Variants in ANO2 observed in about 807,000 individuals in gnomAD.
ANO2 encodes anoctamin 2.
ANO2 carries 101 observed loss-of-function variants against 124.2 expected under a neutral mutation model. The ratio of observed to expected loss-of-function variants is 0.81; its 90% CI spans 0.69 to 0.96. The LOEUF (loss-of-function observed/expected upper bound fraction) is 0.96. ANO2 is among the 40% of genes least tolerant of loss of function. ANO2 has a pLI of 0.00. For synonymous variants in ANO2, 486 were observed against 482.5 expected, an observed-to-expected ratio of 1.01 and a Z score of -0.09; for missense variants, 1,293 against 1,274.5, an observed-to-expected ratio of 1.01 and a Z score of -0.22.
At chr12:5,936,637 C>T (rs945553851) in intron 1 of ANO2, among the ~76,000 whole-genome samples, 1 of 152,204 alleles carries the variant, frequency 6.6e-6, no homozygotes, top group Non-Finnish European at 1.5e-5. Context: ...CAGTCTCTGG[C>T]ATTTTGTTAG....
chr12:5,699,853 C>A lies in ANO2; in HGVS notation c.1545+32667G>T, dbSNP rs372209014. Among the ~76,000 whole-genome samples the A allele has an allele frequency of 8.5e-5, 13 of 152,166 alleles. No individual in the cohort carries two copies. The East Asian group carries it at 1.2e-3, about 14-fold the overall frequency. On this transcript the variant is annotated intron_variant, in intron 14 of 24. Coordinates refer to ENST00000682330, the MANE Select transcript of ANO2 (RefSeq NM_001364791.2). ...CAAAAGAGACAAAGAAGGCCATTAC[C>A]TAATGGTAAAGGGATCAATTCAACA...
At chr12:5,606,893 CTT>C (rs1944248760) in intron 19 of ANO2, among the ~76,000 whole-genome samples, 1 of 152,106 alleles carries the variant, frequency 6.6e-6, no homozygotes, top group Non-Finnish European at 1.5e-5. Flanking sequence ...ATTAGACACT[CTT>C]AAACATTTAA....
At chr12:5,812,128 A>G (rs923858557) in intron 7 of ANO2, among the ~76,000 whole-genome samples, 1 of 146,626 alleles carries the variant, frequency 6.8e-6, no homozygotes, top group Non-Finnish European at 1.5e-5. Context: ...AAGGGCAGGG[A>G]AAATAGTGCA....
Position 5,563,338 on chromosome 12 carries a change from GC to G in ANO2, c.2957del (p.Gly986AlafsTer3). On this transcript the variant is annotated frameshift_variant, in exon 25 of 25. Coordinates refer to ENST00000682330, the MANE Select transcript of ANO2 (RefSeq NM_001364791.2). LOFTEE classifies it high-confidence loss of function. ...SSAPSGQSQL[G>X]SMMSSGSQHT... The stretch of plus-strand genomic sequence containing the variant: ...GCTGAGAGCCTGACGACATCATGCT[GC>G]CCAGCTGGCTTTGGCCTGAAGGTGC... 6.2e-7 allele frequency: 1 copy of G among 1,603,624 alleles called. No individual in the cohort carries two copies.
intron 7 of ANO2, among the ~76,000 whole-genome samples, chr12:5,821,810 A>G (rs1251159270): frequency 6.6e-6 from 1 of 152,218 alleles, no homozygotes; most frequent in African/African-American, 2.4e-5. Context: ...GCAGCATTCC[A>G]TCATCAAACG....
At chr12:5,912,856 G>C (rs1222695012) in intron 3 of ANO2, among the ~76,000 whole-genome samples, 1 of 152,176 alleles carries the variant, frequency 6.6e-6, no homozygotes, top group Non-Finnish European at 1.5e-5. Flanking sequence ...GCAGCGGCAC[G>C]ACTGTTCCTA....
At chr12:5,885,859 G>A (rs1938857587) in intron 3 of ANO2, among the ~76,000 whole-genome samples, 1 of 152,162 alleles carries the variant, frequency 6.6e-6, no homozygotes, top group African/African-American at 2.4e-5. Context: ...GGGGTCCTTA[G>A]TCCATTAAGG....
At chr12:5,782,569 A>G (rs1337387310) in intron 10 of ANO2, among the ~76,000 whole-genome samples, 1 of 152,124 alleles carries the variant, frequency 6.6e-6, no homozygotes, top group African/African-American at 2.4e-5. Flanking sequence ...AACAATTATT[A>G]TATTTTTTAG....
intron 14 of ANO2, among the ~76,000 whole-genome samples, chr12:5,666,686 G>C (rs1947741520): frequency 6.6e-6 from 1 of 152,162 alleles, no homozygotes; most frequent in Non-Finnish European, 1.5e-5. Flanking sequence ...TGGCCATTTA[G>C]ATGTTCTCAG....
At chr12:5,868,199 C>T (rs577539960) in intron 3 of ANO2, among the ~76,000 whole-genome samples, 11 of 151,818 alleles carry the variant, frequency 7.2e-5, no homozygotes, top group African/African-American at 2.7e-4. Flanking sequence ...GTACTAGGTA[C>T]CCACAAAAGT....
chr12:5,578,727 C>T (rs1240319560), intron 20 of ANO2, among the ~76,000 whole-genome samples: 3 of 152,172 alleles, frequency 2.0e-5, no homozygotes, highest in Admixed American at 1.3e-4. Flanking sequence ...CACTTGGGAG[C>T]AAAGCTCTGG....
At chr12:5,616,057 T>C (rs1382326181) in intron 16 of ANO2, among the ~76,000 whole-genome samples, 1 of 152,016 alleles carries the variant, frequency 6.6e-6, no homozygotes, top group Non-Finnish European at 1.5e-5. Context: ...TTCAGAAGAC[T>C]AGAGACACAG....
chr12:5,580,054 T>C (rs1382459160), intron 20 of ANO2, among the ~76,000 whole-genome samples: 1 of 152,182 alleles, frequency 6.6e-6, no homozygotes, highest in Non-Finnish European at 1.5e-5. Flanking sequence ...TTCTAGGGGT[T>C]CAGTACATAT....
intron 14 of ANO2, among the ~76,000 whole-genome samples, chr12:5,702,237 T>G (rs1949430989): frequency 6.6e-6 from 1 of 152,120 alleles, no homozygotes; most frequent in Non-Finnish European, 1.5e-5. Flanking sequence ...AAACCACAAT[T>G]AGCAAACTTG....
chr12:5,767,780 G>A (rs1951941750), intron 10 of ANO2, among the ~76,000 whole-genome samples: 1 of 152,192 alleles, frequency 6.6e-6, no homozygotes, highest in Non-Finnish European at 1.5e-5. Context: ...AGGTGGAACT[G>A]AAATTTTATC....
intron 14 of ANO2, among the ~76,000 whole-genome samples, chr12:5,688,406 C>A (rs1948791748): frequency 6.6e-6 from 1 of 152,200 alleles, no homozygotes; most frequent in African/African-American, 2.4e-5. Context: ...AGAGGGCTTT[C>A]TTAATTAATC....
At position 5,657,771 on chromosome 12, in the gene ANO2, T is replaced by C. The variant is rs1003423653; in HGVS notation, c.1546-9970A>G. On this transcript the variant is annotated intron_variant, in intron 14 of 24. Transcript: ENST00000682330. ...GGGGATTCCCCAGTGCAATTTCAGGTGGAGATTAATAATCTGGCAGCCAAT... is the reference window on the plus strand; with the variant it reads ...GGGGATTCCCCAGTGCAATTTCAGGCGGAGATTAATAATCTGGCAGCCAAT... Among the ~76,000 whole-genome samples the C allele has an allele frequency of 7.0e-5, 7 of 99,958 alleles. No individual in the cohort carries two copies. In the Admixed American group the frequency reaches 8.3e-4, roughly 12 times the overall value. 65.6% of individuals were successfully genotyped at this position (99,958 alleles called of 152,430 possible). A position where few individuals can be genotyped will look rare whatever the true frequency, so the allele number is the denominator to read the frequency against.
Position 5,921,152 on chromosome 12 carries a change from C to A in ANO2, c.422G>T (p.Gly141Val). 1 of 1,614,002 alleles carries A rather than the reference C, an allele frequency of 6.2e-7. No individual in the cohort carries two copies. The highest frequency in any genetic ancestry group is 8.5e-7 in the Non-Finnish European group (1 of 1,179,888). Residue 141 changes from glycine to valine, a missense_variant, in exon 3 of 25, where the codon GGT becomes GTT. By Grantham distance (109) the Gly-to-Val change is moderately radical. Coordinates refer to ENST00000682330, the MANE Select transcript of ANO2 (RefSeq NM_001364791.2). ...ATCGAGCGGTCCCAGCTCAATGTCA[C>A]CTGGGCCCCCAGCATGAGGCTCCTT... Reference protein sequence around the residue: ...TGKEPHAGGPGDIELGPLDAL... With the variant: ...TGKEPHAGGPVDIELGPLDAL...
chr12:5,662,265 T>C (rs528400625), intron 14 of ANO2, among the ~76,000 whole-genome samples: 2 of 152,366 alleles, frequency 1.3e-5, no homozygotes, highest in Admixed American at 6.5e-5. Context: ...TGTGAATTTA[T>C]TGGGTTTTAA....
Sources: gnomAD v4.1 joint callset for allele counts (sites outside exome capture counted in the v4.1 genomes callset) on GRCh38, gnomAD v4.1.1 for gene constraint, MANE v1.5 for transcripts, NCBI Gene and HGNC (gene_info 2026-07-23, HGNC 2026-07-21) for gene names.